Variants in IQCM observed in about 807,000 individuals in gnomAD.
IQCM encodes IQ motif containing M.
Under a neutral mutation model 57.6 loss-of-function variants are expected in IQCM, and 45 were observed. The observed-to-expected ratio is 0.78, with a 90% CI of 0.62 to 1.00. The LOEUF is 1.00. Among genes scored for constraint, IQCM ranks in the 50% least tolerant of loss-of-function variants. The pLI, the probability that IQCM is intolerant of heterozygous loss-of-function variation, is 0.00. For missense variants in IQCM, 468 were observed against 511.6 expected (o/e 0.91, Z 0.82); for synonymous variants, 148 against 158.9 (o/e 0.93, Z 0.51).
At chr4:149,631,153 C>G (rs900737115) in intron 7 of IQCM, among the ~76,000 whole-genome samples, 1 of 152,140 alleles carries the variant, frequency 6.6e-6, no homozygotes, top group Non-Finnish European at 1.5e-5. Flanking sequence ...CCCAGGTATA[C>G]AACACTTTAC....
At chr4:149,426,913 A>C (rs1338988365) in intron 13 of IQCM, among the ~76,000 whole-genome samples, 4 of 151,960 alleles carry the variant, frequency 2.6e-5, no homozygotes, top group Non-Finnish European at 5.9e-5. Flanking sequence ...CATCTTGGAG[A>C]CTGGCTACCA....
intron 12 of IQCM, among the ~76,000 whole-genome samples, chr4:149,476,532 CT>C (rs1387502662): frequency 1.3e-5 from 2 of 152,056 alleles, no homozygotes; most frequent in African/African-American, 4.8e-5. Flanking sequence ...TGTGAGTCTA[CT>C]TCAAAGAAGA....
intron 12 of IQCM, among the ~76,000 whole-genome samples, chr4:149,526,319 C>T (rs1023201198): frequency 1.3e-5 from 2 of 151,888 alleles, no homozygotes; most frequent in African/African-American, 4.8e-5. Flanking sequence ...ATTATGAAGA[C>T]ATTGAAACGG....
intron 12 of IQCM, among the ~76,000 whole-genome samples, chr4:149,543,864 T>C (rs1325087516): frequency 3.3e-5 from 5 of 152,150 alleles, no homozygotes; most frequent in Non-Finnish European, 7.4e-5. Context: ...TTAAACAACC[T>C]AAACTGAAGC....
At chr4:149,796,724 C>G (rs371035516) in intron 2 of IQCM, among the ~76,000 whole-genome samples, 1 of 152,116 alleles carries the variant, frequency 6.6e-6, no homozygotes. Flanking sequence ...CAGAAAGAGA[C>G]TCCATTTGTT....
intron 7 of IQCM, among the ~76,000 whole-genome samples, chr4:149,639,905 G>A (rs1758045170): frequency 6.6e-6 from 1 of 152,214 alleles, no homozygotes; most frequent in Non-Finnish European, 1.5e-5. Context: ...TCCAGCCTAG[G>A]TGACAGAATG....
At chr4:149,765,267 A>G (rs1420156458) in intron 2 of IQCM, among the ~76,000 whole-genome samples, 4 of 152,270 alleles carry the variant, frequency 2.6e-5, no homozygotes, top group Non-Finnish European at 4.4e-5. Flanking sequence ...GGAGCAATAA[A>G]GGTGGCATTA....
intron 13 of IQCM, among the ~76,000 whole-genome samples, chr4:149,424,197 A>C (rs1428827702): frequency 1.3e-5 from 2 of 151,856 alleles, no homozygotes; most frequent in African/African-American, 4.8e-5. Flanking sequence ...ATGTATTTTA[A>C]AATGTAAAAC....
intron 13 of IQCM, among the ~76,000 whole-genome samples, chr4:149,409,642 A>T (rs1260521517): frequency 6.6e-6 from 1 of 152,222 alleles, no homozygotes; most frequent in African/African-American, 2.4e-5. Context: ...AGTGTGTGCA[A>T]ACGCTTCTGA....
At chr4:149,370,405 G>C (rs1730280213) in intron 13 of IQCM, among the ~76,000 whole-genome samples, 1 of 152,012 alleles carries the variant, frequency 6.6e-6, no homozygotes, top group South Asian at 2.1e-4. Context: ...CACTTAATTT[G>C]AAGTATAATA....
intron 7 of IQCM, among the ~76,000 whole-genome samples, chr4:149,679,719 A>T (rs1762037486): frequency 2.0e-5 from 3 of 151,412 alleles, no homozygotes; most frequent in Non-Finnish European, 4.4e-5. Context: ...ACCCCAGGGA[A>T]AACTGCTATA....
chr4:149,425,398 G>T (rs1043656952), intron 13 of IQCM, among the ~76,000 whole-genome samples: 2 of 151,900 alleles, frequency 1.3e-5, no homozygotes, highest in Non-Finnish European at 2.9e-5. Context: ...AAACCCAAAG[G>T]TCTGAGAACT....
intron 3 of IQCM, 133 bp downstream of exon 3, chr4:149,742,522 G>C (rs1767553102): frequency 4.2e-6 from 2 of 475,814 alleles, no homozygotes; most frequent in Admixed American, 4.4e-5. Context: ...TTTAAATAAA[G>C]GGAATGGAAT....
intron 13 of IQCM, among the ~76,000 whole-genome samples, chr4:149,380,806 T>A (rs1041456205): frequency 6.6e-6 from 1 of 152,196 alleles, no homozygotes; most frequent in East Asian, 1.9e-4. Flanking sequence ...TCAATTCCCA[T>A]GCAGCATAGT....
Position 149,563,799 on chromosome 4 carries a change from T to C in IQCM, c.841A>G (p.Arg281Gly). 1 of 1,232,048 alleles carries C rather than the reference T, an allele frequency of 8.1e-7. No homozygotes were observed. The highest frequency in any genetic ancestry group is 1.0e-6 in the Non-Finnish European group (1 of 987,888). The allele number at this position is 1,232,048 out of a possible 1,614,324, so 76.3% of individuals were successfully genotyped here. A position where few individuals can be genotyped will look rare whatever the true frequency, so the allele number is the denominator to read the frequency against. The change falls in exon 10 of 14, where the codon AGA becomes GGA. Residue 281 changes from arginine to glycine, a missense_variant. Physicochemically the swap from Arg to Gly is moderately radical, Grantham distance 125. Transcript: ENST00000636793. ...TTTGGGGTAATCATGAATTTTTTTC[T>C]TTCTCGGAACACTTGGAAGATTTCT... is the stretch of plus-strand genomic sequence containing the variant. ...HIEIFQVFRE[R>G]KKFMITPKLI...
intron 5 of IQCM, among the ~76,000 whole-genome samples, chr4:149,715,639 G>T (rs563579652): frequency 6.6e-6 from 1 of 152,150 alleles, no homozygotes. Context: ...CCATCTGGTG[G>T]GTCCGGAGTT....
intron 13 of IQCM, among the ~76,000 whole-genome samples, chr4:149,386,079 C>T (rs1398059327): frequency 3.3e-5 from 5 of 151,998 alleles, no homozygotes; most frequent in Admixed American, 6.6e-5. Flanking sequence ...AATAGTAGGA[C>T]TTAGAAGGTC....
chr4:149,670,125 A>G (rs1761124027), intron 7 of IQCM, among the ~76,000 whole-genome samples: 1 of 151,926 alleles, frequency 6.6e-6, no homozygotes, highest in African/African-American at 2.4e-5. Flanking sequence ...CATGTTCTTG[A>G]ATTTGTTTGT....
chr4:149,533,927 C>T (rs913101357), intron 12 of IQCM, among the ~76,000 whole-genome samples: 2 of 152,048 alleles, frequency 1.3e-5, no homozygotes, highest in Admixed American at 1.3e-4. Context: ...TTAATATGAA[C>T]TGCACTTTTC....
Sources: allele counts gnomAD v4.1 joint callset (sites outside exome capture counted in the v4.1 genomes callset), GRCh38; gene constraint gnomAD v4.1.1; transcripts MANE v1.5; gene names NCBI Gene and HGNC (gene_info 2026-07-23, HGNC 2026-07-21).